The following RALGAPB variants were observed in gnomAD, a reference collection of about 807,000 sequenced individuals.
The protein encoded by RALGAPB is ral GTPase-activating protein subunit beta.
RALGAPB carries 25 observed loss-of-function variants against 161.1 expected under a neutral mutation model. The observed-to-expected ratio is 0.16, with a 90% CI of 0.11 to 0.22. The LOEUF (loss-of-function observed/expected upper bound fraction) is 0.22, where lower values mean the gene tolerates loss of function less well. Among genes scored for constraint, RALGAPB ranks in the 10% least tolerant of loss-of-function variants. The pLI is 1.00. For synonymous variants in RALGAPB, 629 were observed against 626.1 expected (o/e 1.00, Z -0.07); for missense variants, 1,391 against 1,815.2 (o/e 0.77, Z 4.25).
At chr20:38,520,417 A>T (rs1740160718) in intron 9 of RALGAPB, 1 of 194,560 alleles carries the variant, frequency 5.1e-6, no homozygotes, top group Non-Finnish European at 9.3e-6. Context: ...TGAATGGGGA[A>T]GATTGTTGGC....
At chr20:38,506,505 G>A (rs2085767954) in intron 5 of RALGAPB, among the ~76,000 whole-genome samples, 1 of 152,142 alleles carries the variant, frequency 6.6e-6, no homozygotes, top group African/African-American at 2.4e-5. Flanking sequence ...TGTTGTCCAG[G>A]CTGGCCTTGA....
At chr20:38,485,993 G>T (rs1298182648) in intron 1 of RALGAPB, among the ~76,000 whole-genome samples, 7 of 92,330 alleles carry the variant, frequency 7.6e-5, no homozygotes, top group East Asian at 3.2e-4. Context: ...TTTTGAGATG[G>T]AGTTTTGCTT....
At chr20:38,524,561 C>T (rs890904504) in intron 10 of RALGAPB, among the ~76,000 whole-genome samples, 1 of 151,918 alleles carries the variant, frequency 6.6e-6, no homozygotes, top group Admixed American at 6.6e-5. Context: ...GTTCTAATTC[C>T]AGTAATATCC....
intron 12 of RALGAPB, 55 bp downstream of exon 12, chr20:38,525,573 T>A: frequency 1.6e-6 from 2 of 1,275,362 alleles, no homozygotes; most frequent in African/African-American, 1.5e-5. Context: ...TGTACTAATT[T>A]AAGTCAAATC....
chr20:38,525,066 C>A (rs554314015), intron 11 of RALGAPB, 121 bp downstream of exon 11: 1 of 1,008,618 alleles, frequency 9.9e-7, no homozygotes, highest in Non-Finnish European at 1.5e-6. Context: ...AGAACTCAGG[C>A]GACATTAAAT....
At chr20:38,487,473 G>T (rs1324375503) in intron 1 of RALGAPB, among the ~76,000 whole-genome samples, 1 of 152,188 alleles carries the variant, frequency 6.6e-6, no homozygotes, top group African/African-American at 2.4e-5. Context: ...TAGACAAGTA[G>T]TTGAGTAGAA....
chr20:38,491,348 CT>C (rs1018547518), intron 2 of RALGAPB, among the ~76,000 whole-genome samples: 2 of 150,720 alleles, frequency 1.3e-5, no homozygotes, highest in African/African-American at 4.9e-5. Flanking sequence ...TTTTTTTCCC[CT>C]AAGTTAGAAT....
chr20:38,525,605 A>T, intron 12 of RALGAPB, 87 bp downstream of exon 12: 1 of 1,036,594 alleles, frequency 9.6e-7, no homozygotes, highest in Non-Finnish European at 1.4e-6. Flanking sequence ...ATGAAACAGG[A>T]GCTTTTTTTA....
At position 38,510,138 on chromosome 20, in the gene RALGAPB, A is replaced by G. The variant is rs6026183; in HGVS notation, c.872+930A>G. On this transcript the variant is annotated intron_variant, in intron 6 of 29. Transcript: ENST00000262879. ...TAAACACACACACGCACATACACACACACACACACACACACACACACACAC... is the reference window on the plus strand; with the variant it reads ...TAAACACACACACGCACATACACACGCACACACACACACACACACACACAC... 4.0e-5 allele frequency among the ~76,000 whole-genome samples: 4 copies of G among 98,846 alleles called. No homozygotes were observed. The African/African-American group carries it at 5.7e-4, about 14-fold the overall frequency. The allele number at this position is 98,846 out of a possible 152,430, so 64.8% of individuals were successfully genotyped here.
chr20:38,564,775 A>G (rs2087923527), intron 24 of RALGAPB, among the ~76,000 whole-genome samples: 1 of 152,184 alleles, frequency 6.6e-6, no homozygotes, highest in Non-Finnish European at 1.5e-5. Flanking sequence ...GAGAGAGACC[A>G]GGGATAGAAA....
chr20:38,517,840 G>T lies in RALGAPB; in HGVS notation c.1257G>T (p.Leu419=). ...ACCAGACGTCCTCCACCTCTCCTCTGTCAAGTCCAAATCAGACTAGTTCAG... is the reference window on the plus strand; with the variant it reads ...ACCAGACGTCCTCCACCTCTCCTCTTTCAAGTCCAAATCAGACTAGTTCAG... ...VQHQTSSTSP[L]SSPNQTSSEP... The change falls in exon 9 of 30, where the codon CTG becomes CTT. Residue 419 remains leucine (L), a synonymous_variant. Transcript: ENST00000262879. 1 of 1,614,010 alleles carries T rather than the reference G, an allele frequency of 6.2e-7. No homozygotes were observed. The highest frequency in any genetic ancestry group is 8.5e-7 in the Non-Finnish European group (1 of 1,179,942).
chr20:38,531,932 A>G (rs2086663691), intron 14 of RALGAPB, among the ~76,000 whole-genome samples: 1 of 152,174 alleles, frequency 6.6e-6, no homozygotes, highest in South Asian at 2.1e-4. Flanking sequence ...TCTAACAGAT[A>G]GGTTTATTAG....
At position 38,551,071 on chromosome 20, in the gene RALGAPB, C is replaced by G. The variant is rs757992033; in HGVS notation, c.3010C>G (p.Leu1004Val). The change falls in exon 21 of 30, where the codon CTT (leucine) becomes GTT (valine). Residue 1004 changes from leucine to valine, a missense_variant and splice_region_variant. By Grantham distance (32) the Leu-to-Val change is conservative. This residue lies in a region of RALGAPB where 946 missense variants were observed against 1,257.2 expected (regional missense o/e 0.75). Transcript: ENST00000262879. ...AACATAATGTTACTTGTTTTAACAG[C>G]TTTTTGTACCTGAACCTCGCCCAGT... ...LPRGAKANQK[L>V]FVPEPRPVPK... The G allele has an allele frequency of 1.2e-6, 2 of 1,613,536 alleles. No individual in the cohort carries two copies. Among genetic ancestry groups the G allele is most frequent in the Non-Finnish European group, 8.5e-7 (1 of 1,179,620 alleles).
chr20:38,486,575 T>C (rs1006685293), intron 1 of RALGAPB, among the ~76,000 whole-genome samples: 2 of 152,166 alleles, frequency 1.3e-5, no homozygotes, highest in African/African-American at 4.8e-5. Flanking sequence ...AGCTAGACCC[T>C]TTCCTCCCCT....
intron 6 of RALGAPB, among the ~76,000 whole-genome samples, chr20:38,511,309 G>T (rs2085941479): frequency 6.6e-6 from 1 of 151,672 alleles, no homozygotes; most frequent in African/African-American, 2.4e-5. Flanking sequence ...ATCTGATATT[G>T]AGTCTGCCTT....
intron 5 of RALGAPB, among the ~76,000 whole-genome samples, chr20:38,500,363 G>A (rs1009013430): frequency 3.3e-5 from 5 of 151,654 alleles, no homozygotes; most frequent in South Asian, 2.1e-4. Context: ...TAATTCTTGC[G>A]TATTTCAAAC....
At chr20:38,485,167 A>C (rs2085079465) in intron 1 of RALGAPB, among the ~76,000 whole-genome samples, 1 of 152,212 alleles carries the variant, frequency 6.6e-6, no homozygotes, top group African/African-American at 2.4e-5. Flanking sequence ...AGGCTCAGAC[A>C]ATGGTTTTCT....
intron 23 of RALGAPB, among the ~76,000 whole-genome samples, chr20:38,559,587 G>C (rs2087716610): frequency 6.6e-6 from 1 of 152,164 alleles, no homozygotes; most frequent in Admixed American, 6.5e-5. Flanking sequence ...CCAGCTGCTT[G>C]GGAGGCTGAG....
At chr20:38,563,571 A>G (rs142657544) in intron 24 of RALGAPB, among the ~76,000 whole-genome samples, 1 of 152,182 alleles carries the variant, frequency 6.6e-6, no homozygotes, top group Non-Finnish European at 1.5e-5. Flanking sequence ...CACCTGGCTA[A>G]TGCTTTCTGT....
Sources: gnomAD v4.1 joint callset for allele counts (sites outside exome capture counted in the v4.1 genomes callset) on GRCh38, gnomAD v4.1.1 for gene constraint, gnomAD v4.1.1 regional missense constraint, MANE v1.5 for transcripts, NCBI Gene and HGNC (gene_info 2026-07-23, HGNC 2026-07-21) for gene names.